Variants in KIRREL2 observed in about 807,000 individuals in gnomAD.
KIRREL2 encodes kin of IRRE-like protein 2.
In KIRREL2, 56 loss-of-function variants were observed where a neutral mutation model predicts 73.4. The ratio of observed to expected loss-of-function variants is 0.76; its 90% CI spans 0.62 to 0.95. The LOEUF (loss-of-function observed/expected upper bound fraction) is 0.95. Among genes scored for constraint, KIRREL2 ranks in the 40% least tolerant of loss-of-function variants. The pLI is 0.00. For synonymous variants in KIRREL2, 407 were observed against 404.0 expected (o/e 1.01, Z -0.09); for missense variants, 896 against 935.0 (o/e 0.96, Z 0.54).
chr19:35,857,453 C>G lies in KIRREL2; in HGVS notation c.170C>G (p.Thr57Ser), dbSNP rs1973472887. 1 of 1,611,160 alleles carries G rather than the reference C, an allele frequency of 6.2e-7. No homozygotes were observed. The highest frequency in any genetic ancestry group is 1.7e-5 in the Admixed American group (1 of 59,654). ...GCCTACTGGGGGCTAGTTCAGTGGA[C>G]TAAGAGTGGGCTGGCCCTAGGGGGC... is the stretch of plus-strand genomic sequence containing the variant. ...LGAYWGLVQW[T>S]KSGLALGGQR... The change falls in exon 2 of 15, where the codon ACT becomes AGT. Residue 57 changes from threonine to serine, a missense_variant. Transcript: ENST00000360202.
chr19:35,866,014 C>A, intron 14 of KIRREL2, 143 bp from the exon 15 acceptor site: 2 of 741,752 alleles, frequency 2.7e-6, no homozygotes, highest in East Asian at 5.1e-5. Flanking sequence ...TCTCCCAGTC[C>A]ATGTGTGTCT....
chr19:35,860,260 G>T, intron 5 of KIRREL2, 37 bp from the exon 6 acceptor site: 1 of 1,567,532 alleles, frequency 6.4e-7, no homozygotes, highest in Non-Finnish European at 8.8e-7. Flanking sequence ...AGGTGTTCCT[G>T]GTCCTTGCCC....
Position 35,861,844 on chromosome 19 carries a change from C to A in KIRREL2, c.1330C>A (p.Gln444Lys). The A allele has an allele frequency of 6.3e-7, 1 of 1,587,354 alleles. No homozygotes were observed. The highest frequency in any genetic ancestry group is 8.6e-7 in the Non-Finnish European group (1 of 1,166,756). ...WDEGFLEAGS[Q>K]GRFLVETFPA... ...TGAGGGCTTCCTGGAGGCGGGGTCG[C>A]AGGGCCGGTTCCTGGTGGAGACATT... The change falls in exon 11 of 15, where the codon CAG becomes AAG. Residue 444 changes from glutamine to lysine, a missense_variant. Transcript: ENST00000360202.
At chr19:35,863,771 TTTTC>T (rs1347314784) in intron 13 of KIRREL2, among the ~76,000 whole-genome samples, 2 of 143,806 alleles carry the variant, frequency 1.4e-5, no homozygotes, top group East Asian at 2.2e-4. Context: ...AAGTCTTTTT[TTTTC>T]TTTCTTTCTT....
upstream of KIRREL2, among the ~76,000 whole-genome samples, chr19:35,856,369 T>C (rs986546380): frequency 5.3e-5 from 8 of 152,178 alleles, no homozygotes; most frequent in African/African-American, 1.9e-4. The surrounding 1 kb of genome is among the most constrained non-coding windows in gnomAD (Gnocchi z 5.9). Context: ...TCCTGGGTCT[T>C]AGGACGTGCT....
intron 13 of KIRREL2, 63 bp downstream of exon 13, chr19:35,863,099 A>G (rs977406302): frequency 5.5e-5 from 51 of 919,794 alleles, no homozygotes; most frequent in Non-Finnish European, 8.6e-5. Flanking sequence ...CCCAGTCCCA[A>G]GAGGGTCCCC....
In KIRREL2 at chr19:35,858,790, G is replaced by A; in HGVS notation, c.448G>A (p.Gly150Arg). 6.2e-7 allele frequency: 1 copy of A among 1,614,190 alleles called. No homozygotes were observed. The highest frequency in any genetic ancestry group is 8.5e-7 in the Non-Finnish European group (1 of 1,180,042). Residue 150 changes from glycine to arginine, a missense_variant, in exon 4 of 15, where the codon GGG becomes AGG. Coordinates refer to ENST00000360202, the MANE Select transcript of KIRREL2 (RefSeq NM_199180.4). The stretch of plus-strand genomic sequence containing the variant: ...TGCGAACCTGACATGTCGGAGCCGT[G>A]GGGATGCCCGCCCTACCCCTGAATT... Reference protein sequence around the residue: ...VPANLTCRSRGDARPTPELLW... With the variant: ...VPANLTCRSRRDARPTPELLW...
At chr19:35,851,399 G>A (rs1441685941), upstream of KIRREL2, 9 of 1,612,406 alleles carry the variant, frequency 5.6e-6, no homozygotes, top group African/African-American at 1.3e-5. Context: ...AGGGGGAGCC[G>A]GAAGTCAGGG....
chr19:35,859,503 C>G lies in KIRREL2; in HGVS notation c.545C>G (p.Pro182Arg). The G allele has an allele frequency of 1.2e-6, 2 of 1,614,162 alleles. No individual in the cohort carries two copies. The highest frequency in any genetic ancestry group is 1.7e-6 in the Non-Finnish European group (2 of 1,180,008). ...FHQTLLKEGT[P>R]GSVESTLTLT... ...CAGACCCTGCTGAAGGAAGGGACCCCTGGGTCAGTGGAGAGCACCTTAACC... is the reference window on the plus strand; with the variant it reads ...CAGACCCTGCTGAAGGAAGGGACCCGTGGGTCAGTGGAGAGCACCTTAACC... The change falls in exon 5 of 15, where the codon CCT becomes CGT. Residue 182 changes from proline (P) to arginine (R), a missense_variant. Coordinates refer to ENST00000360202, the MANE Select transcript of KIRREL2 (RefSeq NM_199180.4).
chr19:35,858,343 G>A, intron 2 of KIRREL2, 65 bp from the exon 3 acceptor site: 1 of 1,569,090 alleles, frequency 6.4e-7, no homozygotes, highest in Non-Finnish European at 8.7e-7. Context: ...GGATGTCTGG[G>A]GATGGAGGCC....
chr19:35,851,621 AG>A, upstream of KIRREL2: 1 of 1,614,026 alleles, frequency 6.2e-7, no homozygotes, highest in Non-Finnish European at 8.5e-7. Context: ...GTTTTCAGGC[AG>A]GGCCCAGAAG....
chr19:35,851,548 C>T (rs779563002), upstream of KIRREL2: 7 of 1,613,944 alleles, frequency 4.3e-6, no homozygotes, highest in East Asian at 2.2e-5. Flanking sequence ...CCCATTGCAC[C>T]GCACTGCCAG....
Position 35,866,230 on chromosome 19 carries a change from G to T in KIRREL2, c.1865G>T (p.Gly622Val). The T allele has an allele frequency of 6.2e-7, 1 of 1,611,772 alleles. No homozygotes were observed. Among genetic ancestry groups the T allele is most frequent in the South Asian group, 1.1e-5 (1 of 91,040 alleles). Residue 622 changes from glycine (G) to valine (V), a missense_variant, in exon 15 of 15, where the codon GGT becomes GTT. Coordinates refer to ENST00000360202, the MANE Select transcript of KIRREL2 (RefSeq NM_199180.4). ...AGCCTTGGCGAAGCCCCTGGAGGAG[G>T]TCTCTTCCTGCCACCACCCTCCCCC... Reference protein sequence around the residue: ...SLSLGEAPGGGLFLPPPSPLG... With the variant: ...SLSLGEAPGGVLFLPPPSPLG...
chr19:35,860,888 C>A (rs1202509932), intron 7 of KIRREL2, 21 bp from the exon 8 acceptor site: 2 of 1,613,404 alleles, frequency 1.2e-6, no homozygotes, highest in African/African-American at 1.3e-5. Context: ...GGCCATGTGA[C>A]CCCTAGTCTC....
chr19:35,858,646 T>C (rs1973531641), intron 3 of KIRREL2, 58 bp from the exon 4 acceptor site: 3 of 1,608,654 alleles, frequency 1.9e-6, no homozygotes, highest in Non-Finnish European at 2.6e-6. Flanking sequence ...CCCAGGGGCA[T>C]GGTCAATTGG....
In KIRREL2 at chr19:35,862,039, C is replaced by G. The variant is rs535673621; in HGVS notation, c.1510+15C>G. ...GGGCCGTAGAGGTGAGACCCCAGCC[C>G]GAAGACCCCAAATCTGGAGAGTCTA... On this transcript the variant is annotated intron_variant, in intron 11 of 14. Coordinates refer to ENST00000360202, the MANE Select transcript of KIRREL2 (RefSeq NM_199180.4). 2.5e-6 allele frequency: 4 copies of G among 1,593,686 alleles called. No individual in the cohort carries two copies. Among genetic ancestry groups the G allele is most frequent in the Non-Finnish European group, 3.4e-6 (4 of 1,169,966 alleles).
chr19:35,862,234 C>T (rs1039950810), intron 11 of KIRREL2, among the ~76,000 whole-genome samples: 2 of 152,112 alleles, frequency 1.3e-5, no homozygotes, highest in South Asian at 4.1e-4. Flanking sequence ...TGAGAGACTC[C>T]TCACACCTAG....
Position 35,858,824 on chromosome 19 carries a change from T to C in KIRREL2, c.482T>C (p.Phe161Ser). The stretch of plus-strand genomic sequence containing the variant: ...CGCCCTACCCCTGAATTGCTGTGGT[T>C]CCGAGATGGGGTCCTGTTGGATGGA... Reference protein sequence around the residue: ...DARPTPELLWFRDGVLLDGAT... With the variant: ...DARPTPELLWSRDGVLLDGAT... Residue 161 changes from phenylalanine (F) to serine (S), a missense_variant, in exon 4 of 15, where the codon TTC becomes TCC. Physicochemically the swap from Phe to Ser is radical, Grantham distance 155. Coordinates refer to ENST00000360202, the MANE Select transcript of KIRREL2 (RefSeq NM_199180.4). 1.2e-6 allele frequency: 2 copies of C among 1,614,186 alleles called. No individual in the cohort carries two copies. Among genetic ancestry groups the C allele is most frequent in the Non-Finnish European group, 1.7e-6 (2 of 1,180,042 alleles).
upstream of KIRREL2, among the ~76,000 whole-genome samples, chr19:35,852,304 G>GTCTC (rs139954720): frequency 1.2e-4 from 18 of 145,168 alleles, no homozygotes; most frequent in East Asian, 1.2e-3. Context: ...CTCTCTCTCT[G>GTCTC]TCTCTCTCTC....
Sources: gnomAD v4.1 joint callset for allele counts (sites outside exome capture counted in the v4.1 genomes callset) on GRCh38, gnomAD v4.1.1 for gene constraint, Gnocchi (gnomAD v3.1) non-coding constraint, MANE v1.5 for transcripts, NCBI Gene and HGNC (gene_info 2026-07-23, HGNC 2026-07-21) for gene names.